The following NLRP14 variants were observed in gnomAD, a reference collection of about 807,000 sequenced individuals.
NLRP14 encodes the protein NLR family pyrin domain containing 14, also known as NACHT, LRR and PYD domains-containing protein 14.
In NLRP14, 105 loss-of-function variants were observed where a neutral mutation model predicts 94.7. The observed-to-expected ratio is 1.11, with a 90% CI of 0.95 to 1.30. The LOEUF is 1.30. NLRP14 is among the 50% of genes most tolerant of loss of function. The probability of loss-of-function intolerance (pLI) is 0.00; values close to 1 mark genes in which losing one functional copy is unlikely to be tolerated. For missense variants in NLRP14, 1,362 were observed against 1,254.1 expected (o/e 1.09, Z -1.30); for synonymous variants, 508 against 459.9 (o/e 1.10, Z -1.34).
At chr11:7,089,748 C>G in the NLRP14 span, 2 of 1,556,896 alleles carry the variant, frequency 1.3e-6, no homozygotes, top group Middle Eastern at 1.7e-4. Context: ...CCTGGGCCCG[C>G]GGGATGAGGG....
chr11:7,028,971 A>G lies in NLRP14; in HGVS notation c.-22+8201A>G, dbSNP rs537514109. On this transcript the variant is annotated intron_variant, in intron 1 of 11. Transcript: ENST00000299481. ...TTGGGTGAGAGTAAAAATACAAACA[A>G]AAGAGTAACTCAAATTTTGTTACTT... Among the ~76,000 whole-genome samples the G allele has an allele frequency of 2.0e-4, 31 of 152,340 alleles. No individual in the cohort carries two copies. In the East Asian group the frequency reaches 5.2e-3, roughly 26 times the overall value.
At chr11:7,035,860 ACT>A (rs939775723) in intron 1 of NLRP14, among the ~76,000 whole-genome samples, 5 of 152,256 alleles carry the variant, frequency 3.3e-5, no homozygotes, top group African/African-American at 1.2e-4. Context: ...ATTTTGTATA[ACT>A]CTGAATTTCC....
rs758769348 is a variant in NLRP14, at chr11:7,058,399, A to G, written c.2582A>G (p.Lys861Arg). The change falls in exon 8 of 12, where the codon AAG becomes AGG. Residue 861 changes from lysine (K) to arginine (R), a missense_variant. Transcript: ENST00000299481. ...AATGTCTTGGGTGATGGTGGAGTAA[A>G]GCTTATGAGTGATGCCCTGCAACAT... ...ADNVLGDGGV[K>R]LMSDALQHAQ... The G allele has an allele frequency of 6.8e-6, 11 of 1,612,808 alleles. No individual in the cohort carries two copies. The African/African-American group carries it at 1.3e-4, about 20-fold the overall frequency.
chr11:7,064,847 G>T (rs1254969218), intron 10 of NLRP14, among the ~76,000 whole-genome samples: 1 of 151,396 alleles, frequency 6.6e-6, no homozygotes, highest in Non-Finnish European at 1.5e-5. Context: ...AAAAAGTATT[G>T]AAATTTTTAT....
intron 9 of NLRP14, 37 bp downstream of exon 9, chr11:7,060,101 A>G: frequency 1.3e-6 from 2 of 1,554,298 alleles, no homozygotes; most frequent in Non-Finnish European, 1.8e-6. Flanking sequence ...TGTAGTTTCA[A>G]CAACAGAGTG....
chr11:7,048,522 C>A (rs889226231), intron 5 of NLRP14, among the ~76,000 whole-genome samples: 1 of 152,020 alleles, frequency 6.6e-6, no homozygotes, highest in African/African-American at 2.4e-5. Context: ...TGGGTGGGGG[C>A]TGGGGACAGG....
At chr11:7,089,989 G>A in the NLRP14 span, 1 of 1,613,096 alleles carries the variant, frequency 6.2e-7, no homozygotes, top group Non-Finnish European at 8.5e-7. Flanking sequence ...GGAGAGCTGC[G>A]CGGCGCCGCC....
the NLRP14 span, chr11:7,090,163 G>C: frequency 3.7e-6 from 6 of 1,613,732 alleles, no homozygotes; most frequent in East Asian, 4.5e-5. Flanking sequence ...AGACCAGATC[G>C]TGGGCTCTCT....
chr11:7,023,729 G>A (rs1346352038), intron 1 of NLRP14, among the ~76,000 whole-genome samples: 13 of 151,884 alleles, frequency 8.6e-5, no homozygotes, highest in South Asian at 2.1e-4. Flanking sequence ...CAGGAAGTAC[G>A]GTGCTTGCAT....
intron 1 of NLRP14, among the ~76,000 whole-genome samples, chr11:7,026,481 G>A (rs1484390379): frequency 6.6e-6 from 1 of 152,070 alleles, no homozygotes; most frequent in Non-Finnish European, 1.5e-5. Context: ...AGTTAGAATG[G>A]CAATCATTAA....
At chr11:7,089,022 G>A in the NLRP14 span, 49 of 1,414,170 alleles carry the variant, frequency 3.5e-5, no homozygotes, top group Non-Finnish European at 4.5e-5. Context: ...GGCGCCGCCT[G>A]ACCAGTAGGA....
chr11:7,062,224 A>T, intron 9 of NLRP14, 109 bp from the exon 10 acceptor site: 1 of 908,834 alleles, frequency 1.1e-6, no homozygotes, highest in Non-Finnish European at 1.8e-6. Flanking sequence ...TGGATTGTAG[A>T]TAGAAAAGAG....
the NLRP14 span, among the ~76,000 whole-genome samples, chr11:7,081,863 A>C: frequency 2.6e-5 from 4 of 152,236 alleles, no homozygotes; most frequent in African/African-American, 9.6e-5. Flanking sequence ...GATTAAACAC[A>C]ACCTCTAGTG....
At chr11:7,068,909 C>T (rs1239098066) in intron 10 of NLRP14, among the ~76,000 whole-genome samples, 3 of 152,150 alleles carry the variant, frequency 2.0e-5, no homozygotes, top group Admixed American at 6.5e-5. Flanking sequence ...TTCTCTTAGC[C>T]TCCCAAAGTG....
intron 1 of NLRP14, among the ~76,000 whole-genome samples, chr11:7,021,558 C>A (rs1364918471): frequency 6.6e-6 from 1 of 152,116 alleles, no homozygotes; most frequent in Non-Finnish European, 1.5e-5. Flanking sequence ...TCATTGTTAT[C>A]CACTAGGTGG....
the NLRP14 span, among the ~76,000 whole-genome samples, chr11:7,077,821 T>C: frequency 1.3e-5 from 2 of 152,182 alleles, no homozygotes; most frequent in Non-Finnish European, 2.9e-5. Flanking sequence ...TCCCACTGGG[T>C]GCCTCCCACA....
intron 6 of NLRP14, among the ~76,000 whole-genome samples, 162 bp from the exon 7 acceptor site, chr11:7,057,515 C>A (rs1231430966): frequency 2.0e-5 from 3 of 151,950 alleles, no homozygotes; most frequent in African/African-American, 4.8e-5. Context: ...TCTGTCAGAG[C>A]CTTATGCTTT....
Position 7,049,749 on chromosome 11 carries a change from TG to T in NLRP14, c.2203del (p.Asp735ThrfsTer2), listed in dbSNP as rs770472619. Reference sequence around the variant, plus strand: ...TTCATAACAAGAATCTGATGCATCTTGACCTAAAAGGGAGTGATATAGGGGA... The same window carrying T: ...TTCATAACAAGAATCTGATGCATCTTACCTAAAAGGGAGTGATATAGGGGA... ...LIHNKNLMHL[D>X]LKGSDIGDNG... On this transcript the variant is annotated frameshift_variant, in exon 6 of 12. Coordinates refer to ENST00000299481, the MANE Select transcript of NLRP14 (RefSeq NM_176822.4). LOFTEE classifies it high-confidence loss of function. 1 of 1,609,424 alleles carries T rather than the reference TG, an allele frequency of 6.2e-7. No individual in the cohort carries two copies. The highest frequency in any genetic ancestry group is 8.5e-7 in the Non-Finnish European group (1 of 1,175,730).
At position 7,057,817 on chromosome 11, in the gene NLRP14, G is replaced by A; in HGVS notation, c.2432G>A (p.Arg811Lys). ...GTGCAGCTTTTGTGTGAGGCCTTAA[G>A]ACATCCAAAGTGTTATCTAGAGAGA... The part of the protein sequence containing the change: ...DGVQLLCEAL[R>K]HPKCYLERLS... Residue 811 changes from arginine (R) to lysine (K), a missense_variant, in exon 7 of 12, where the codon AGA (arginine) becomes AAA (lysine). Coordinates refer to ENST00000299481, the MANE Select transcript of NLRP14 (RefSeq NM_176822.4). 6.2e-7 allele frequency: 1 copy of A among 1,612,468 alleles called. No individual in the cohort carries two copies. Among genetic ancestry groups the A allele is most frequent in the Non-Finnish European group, 8.5e-7 (1 of 1,178,634 alleles).
Sources: allele counts gnomAD v4.1 joint callset (sites outside exome capture counted in the v4.1 genomes callset), GRCh38; gene constraint gnomAD v4.1.1; transcripts MANE v1.5; gene names NCBI Gene and HGNC (gene_info 2026-07-23, HGNC 2026-07-21).